CHD6: variants seen among roughly 807,000 people sequenced by gnomAD.
CHD6 encodes the protein ATP-dependent chromatin remodeler CHD6.
CHD6 carries 50 observed loss-of-function variants against 276.9 expected under a neutral mutation model. That is an observed-to-expected ratio of 0.18 (90% CI 0.14 to 0.23). CHD6 has a LOEUF of 0.23. Among genes scored for constraint, CHD6 ranks in the 10% least tolerant of loss-of-function variants. CHD6 has a pLI of 1.00. For synonymous variants in CHD6, 1,173 were observed against 1,229.3 expected, an observed-to-expected ratio of 0.95 and a Z score of 0.96; for missense variants, 2,564 against 3,365.8, an observed-to-expected ratio of 0.76 and a Z score of 5.89.
intron 1 of CHD6, among the ~76,000 whole-genome samples, chr20:41,599,214 G>A (rs943399229): frequency 2.0e-5 from 3 of 152,180 alleles, no homozygotes; most frequent in African/African-American, 7.2e-5. Context: ...AAACAGGATA[G>A]CCCTGGACAT....
Position 41,579,263 on chromosome 20 carries a change from C to A in CHD6, c.-23-27903G>T, listed in dbSNP as rs1360224858. ...CAGCCCGACCAACAGTGGCGGGAAA[C>A]CCCATCTCTACTAAAAATACAAAAA... is the stretch of plus-strand genomic sequence containing the variant. On this transcript the variant is annotated intron_variant, in intron 1 of 36. Transcript: ENST00000373233. Among the ~76,000 whole-genome samples the A allele has an allele frequency of 9.3e-5, 14 of 149,818 alleles. No individual in the cohort carries two copies. In the East Asian group the frequency reaches 2.2e-3, roughly 23 times the overall value.
Position 41,499,343 on chromosome 20 carries a change from A to G in CHD6, c.867T>C (p.Asp289=). Residue 289 remains aspartate (D), a synonymous_variant, in exon 6 of 37, where the codon GAT becomes GAC. Transcript: ENST00000373233. The part of the protein sequence containing the change: ...LAWQAEEPPE[D]DANIIEKILA... ...GGATCTTCTCAATGATGTTTGCATC[A>G]TCTTCTGGAGGCTCCTGGGGACAAA... The G allele has an allele frequency of 6.2e-7, 1 of 1,604,246 alleles. No individual in the cohort carries two copies. Among genetic ancestry groups the G allele is most frequent in the Non-Finnish European group, 8.5e-7 (1 of 1,174,974 alleles).
chr20:41,591,411 T>TAC (rs2045659094), intron 1 of CHD6, among the ~76,000 whole-genome samples: 1 of 148,396 alleles, frequency 6.7e-6, no homozygotes, highest in Non-Finnish European at 1.5e-5. Flanking sequence ...CACACACATA[T>TAC]ATATATACAT....
intron 1 of CHD6, among the ~76,000 whole-genome samples, chr20:41,564,738 T>G (rs1281349425): frequency 6.6e-6 from 1 of 152,152 alleles, no homozygotes; most frequent in Non-Finnish European, 1.5e-5. Flanking sequence ...AATTAAAAAA[T>G]TGTTTTCTAA....
intron 1 of CHD6, among the ~76,000 whole-genome samples, chr20:41,595,698 T>C (rs1373431890): frequency 6.6e-6 from 1 of 152,090 alleles, no homozygotes; most frequent in Admixed American, 6.5e-5. Flanking sequence ...GTTAAAATAC[T>C]GTAAGGGTAA....
chr20:41,498,597 C>T (rs1568646577), intron 6 of CHD6, among the ~76,000 whole-genome samples: 2 of 152,116 alleles, frequency 1.3e-5, no homozygotes, highest in African/African-American at 4.8e-5. Context: ...ATGGTAGTCA[C>T]TCTCCAAGTA....
chr20:41,444,541 C>T (rs920197631), intron 25 of CHD6, among the ~76,000 whole-genome samples: 1 of 152,162 alleles, frequency 6.6e-6, no homozygotes, highest in Non-Finnish European at 1.5e-5. Flanking sequence ...TTCTCAATAC[C>T]AGTATCCAAG....
At position 41,467,662 on chromosome 20, in the gene CHD6, T is replaced by C. The variant is rs1361127809; in HGVS notation, c.2664+5660A>G. On this transcript the variant is annotated intron_variant, in intron 17 of 36. Coordinates refer to ENST00000373233, the MANE Select transcript of CHD6 (RefSeq NM_032221.5). ...GGCAGGACTGCTTGAGGCCAGGGGT[T>C]TGAGACCAGCCTGGGCTGTCAACAT... 2.6e-5 allele frequency among the ~76,000 whole-genome samples: 4 copies of C among 151,550 alleles called. No individual in the cohort carries two copies. The South Asian group carries it at 6.3e-4, about 24-fold the overall frequency.
chr20:41,584,210 CA>C (rs1417337910), intron 1 of CHD6, among the ~76,000 whole-genome samples: 4 of 152,006 alleles, frequency 2.6e-5, no homozygotes, highest in African/African-American at 9.7e-5. Flanking sequence ...TAAATTTACA[CA>C]AAGTAGATTT....
intron 3 of CHD6, among the ~76,000 whole-genome samples, chr20:41,532,209 T>C (rs936309675): frequency 1.3e-5 from 2 of 152,232 alleles, no homozygotes; most frequent in Admixed American, 1.3e-4. Flanking sequence ...CTGGTCTCTC[T>C]GTAAGTCATT....
At chr20:41,551,916 T>C (rs550557800) in intron 1 of CHD6, among the ~76,000 whole-genome samples, 30 of 152,154 alleles carry the variant, frequency 2.0e-4, no homozygotes, top group African/African-American at 7.2e-4. Context: ...TTTCATACGA[T>C]TTTTTTTAAA....
At chr20:41,516,151 C>T (rs2044244825) in intron 3 of CHD6, among the ~76,000 whole-genome samples, 1 of 149,588 alleles carries the variant, frequency 6.7e-6, no homozygotes, top group South Asian at 2.1e-4. Context: ...CACAACAGCC[C>T]TGTAAAGCAG....
intron 1 of CHD6, among the ~76,000 whole-genome samples, chr20:41,590,687 G>C (rs973583662): frequency 3.5e-4 from 53 of 152,252 alleles, no homozygotes; most frequent in Middle Eastern, 3.4e-3. Context: ...TTAGAATGGC[G>C]ATCATTAAAA....
At chr20:41,573,034 C>T (rs780899647) in intron 1 of CHD6, among the ~76,000 whole-genome samples, 8 of 152,136 alleles carry the variant, frequency 5.3e-5, no homozygotes, top group Middle Eastern at 3.4e-3. Context: ...CTCAGCCTCC[C>T]GAGTAGCTGG....
chr20:41,440,137 A>G lies in CHD6; in HGVS notation c.3878-8T>C. On this transcript the variant is annotated splice_polypyrimidine_tract_variant and splice_region_variant and intron_variant, in intron 25 of 36. Coordinates refer to ENST00000373233, the MANE Select transcript of CHD6 (RefSeq NM_032221.5). ...CATTGTACCTTTCATAACCTGATCA[A>G]GAGTGGTGAGAAATGCCAGAAGTCA... The G allele has an allele frequency of 6.2e-7, 1 of 1,611,560 alleles. No homozygotes were observed. The highest frequency in any genetic ancestry group is 8.5e-7 in the Non-Finnish European group (1 of 1,177,898).
At chr20:41,565,063 G>A (rs913935028) in intron 1 of CHD6, among the ~76,000 whole-genome samples, 1 of 151,626 alleles carries the variant, frequency 6.6e-6, no homozygotes, top group Non-Finnish European at 1.5e-5. Context: ...AAACAGAAGA[G>A]AAGTCATGGA....
chr20:41,467,998 C>T (rs1234260375), intron 17 of CHD6, among the ~76,000 whole-genome samples: 1 of 151,810 alleles, frequency 6.6e-6, no homozygotes, highest in African/African-American at 2.4e-5. Flanking sequence ...ATTCTTCCTT[C>T]TTATCTCATA....
At position 41,402,540 on chromosome 20, in the gene CHD6, C is replaced by T. The variant is rs1054649967; in HGVS notation, c.*2053G>A. ...AACAACACAACGACAACAAAGAAAA[C>T]CAGACTCTGCTGGATGTCTATAATA... On this transcript the variant is annotated 3_prime_UTR_variant, in exon 37 of 37. Transcript: ENST00000373233. 1 of 230,312 alleles carries T rather than the reference C, an allele frequency of 4.3e-6. No individual in the cohort carries two copies. The highest frequency in any genetic ancestry group is 8.6e-6 in the Non-Finnish European group (1 of 116,308). The allele number at this position is 230,312 out of a possible 1,614,324, so 14.3% of individuals were successfully genotyped here.
intron 1 of CHD6, among the ~76,000 whole-genome samples, chr20:41,599,500 G>A (rs1254197846): frequency 6.6e-6 from 1 of 152,016 alleles, no homozygotes; most frequent in Non-Finnish European, 1.5e-5. Context: ...ACCATACCTC[G>A]TATTTGTGGA....
Sources: allele counts gnomAD v4.1 joint callset (sites outside exome capture counted in the v4.1 genomes callset), GRCh38; gene constraint gnomAD v4.1.1; transcripts MANE v1.5; gene names NCBI Gene and HGNC (gene_info 2026-07-23, HGNC 2026-07-21).